The following SPOCK1 variants were observed in gnomAD, a reference collection of about 807,000 sequenced individuals.
SPOCK1 encodes testican-1.
SPOCK1 carries 23 observed loss-of-function variants against 55.3 expected under a neutral mutation model. The ratio of observed to expected loss-of-function variants is 0.42; its 90% CI spans 0.30 to 0.59. The LOEUF (loss-of-function observed/expected upper bound fraction) is 0.59, where lower values mean the gene tolerates loss of function less well. SPOCK1 is among the 20% of genes least tolerant of loss of function. The pLI is 0.22. For missense variants in SPOCK1, 499 were observed against 552.5 expected (o/e 0.90, Z 0.97); for synonymous variants, 226 against 221.0 (o/e 1.02, Z -0.20).
chr5:137,416,442 C>G (rs1752329530), intron 2 of SPOCK1, among the ~76,000 whole-genome samples: 1 of 152,116 alleles, frequency 6.6e-6, no homozygotes, highest in South Asian at 2.1e-4. Context: ...GCTTTTCCTA[C>G]AGTAATTGTC....
At chr5:137,363,866 G>C (rs1170791628) in intron 2 of SPOCK1, among the ~76,000 whole-genome samples, 1 of 152,254 alleles carries the variant, frequency 6.6e-6, no homozygotes, top group Non-Finnish European at 1.5e-5. Flanking sequence ...GCCAGTCACT[G>C]GGGACAGGCT....
At chr5:137,227,813 G>C (rs1456974173) in intron 3 of SPOCK1, among the ~76,000 whole-genome samples, 2 of 152,162 alleles carry the variant, frequency 1.3e-5, no homozygotes, top group Non-Finnish European at 2.9e-5. Flanking sequence ...GCAGATTTGT[G>C]CCATAAGCTT....
intron 3 of SPOCK1, among the ~76,000 whole-genome samples, chr5:137,183,381 T>C (rs1755006404): frequency 6.6e-6 from 1 of 152,104 alleles, no homozygotes. Flanking sequence ...CTGAAAACCA[T>C]GGTTCCCTGT....
intron 3 of SPOCK1, among the ~76,000 whole-genome samples, chr5:137,183,753 T>C (rs182734995): frequency 6.6e-6 from 1 of 152,326 alleles, no homozygotes; most frequent in African/African-American, 2.4e-5. Flanking sequence ...CCTCGCTGGC[T>C]GTGTAGACGT....
intron 3 of SPOCK1, among the ~76,000 whole-genome samples, chr5:137,258,689 T>C (rs1299349770): frequency 6.6e-6 from 1 of 152,218 alleles, no homozygotes; most frequent in African/African-American, 2.4e-5. Context: ...CCTCCTTTTA[T>C]ACAACTAACA....
chr5:137,356,911 T>C (rs975892782), intron 2 of SPOCK1, among the ~76,000 whole-genome samples: 2 of 138,402 alleles, frequency 1.4e-5, no homozygotes, highest in African/African-American at 5.4e-5. Flanking sequence ...CTACTTACTA[T>C]GTTTCCTCTC....
At chr5:137,094,825 T>C (rs1294692918) in intron 5 of SPOCK1, among the ~76,000 whole-genome samples, 1 of 152,272 alleles carries the variant, frequency 6.6e-6, no homozygotes, top group Admixed American at 6.5e-5. Flanking sequence ...TAACTTTTCA[T>C]TTGCACTTAC....
chr5:137,058,270 C>T (rs1484558219), intron 6 of SPOCK1, among the ~76,000 whole-genome samples: 1 of 152,142 alleles, frequency 6.6e-6, no homozygotes, highest in Non-Finnish European at 1.5e-5. Flanking sequence ...GTTTCAGATC[C>T]CTGTTCTGTC....
rs887249920 is a variant in SPOCK1, at chr5:137,466,786, T to C, written c.186+31587A>G. 2.6e-5 allele frequency among the ~76,000 whole-genome samples: 4 copies of C among 152,360 alleles called. No homozygotes were observed. The South Asian group carries it at 8.3e-4, about 32-fold the overall frequency. Reference sequence around the variant, plus strand: ...GGGAAAAATCTGTGTATGAGTTATCTATGGCTTTATAACAAATTACCCCCA... The same window carrying C: ...GGGAAAAATCTGTGTATGAGTTATCCATGGCTTTATAACAAATTACCCCCA... On this transcript the variant is annotated intron_variant, in intron 2 of 10. Transcript: ENST00000394945.
At chr5:137,221,946 G>A (rs1453701233) in intron 3 of SPOCK1, among the ~76,000 whole-genome samples, 3 of 152,218 alleles carry the variant, frequency 2.0e-5, no homozygotes, top group African/African-American at 7.2e-5. Context: ...GTTTGTTTCT[G>A]TCTGATGAGA....
chr5:136,991,659 G>T (rs549911776), intron 7 of SPOCK1, among the ~76,000 whole-genome samples: 3 of 152,198 alleles, frequency 2.0e-5, no homozygotes, highest in African/African-American at 7.2e-5. Flanking sequence ...CATAGAGAAG[G>T]CTGTGGCCAA....
At chr5:137,106,147 C>T (rs996081161) in intron 5 of SPOCK1, among the ~76,000 whole-genome samples, 2 of 151,896 alleles carry the variant, frequency 1.3e-5, no homozygotes, top group Admixed American at 6.6e-5. Flanking sequence ...GAGCCAGGAC[C>T]TGGAGCAGTA....
intron 3 of SPOCK1, among the ~76,000 whole-genome samples, chr5:137,240,094 A>G (rs1756254733): frequency 6.6e-6 from 1 of 152,224 alleles, no homozygotes; most frequent in South Asian, 2.1e-4. Flanking sequence ...GAATTGACTA[A>G]ATAAGAAATA....
chr5:137,065,203 G>T (rs1420556225), intron 6 of SPOCK1, among the ~76,000 whole-genome samples: 1 of 144,438 alleles, frequency 6.9e-6, no homozygotes, highest in Non-Finnish European at 1.5e-5. Context: ...ACTCCAGCAC[G>T]GGTGACAGAG....
intron 2 of SPOCK1, among the ~76,000 whole-genome samples, chr5:137,475,242 C>CA (rs1753812943): frequency 6.6e-6 from 1 of 152,160 alleles, no homozygotes; most frequent in African/African-American, 2.4e-5. Flanking sequence ...TGACATTCAA[C>CA]AGGACAACCT....
intron 3 of SPOCK1, among the ~76,000 whole-genome samples, chr5:137,147,115 G>A (rs1353525140): frequency 6.6e-6 from 1 of 152,078 alleles, no homozygotes; most frequent in Non-Finnish European, 1.5e-5. Context: ...GGGGGAGAGG[G>A]TTATAAATTG....
intron 3 of SPOCK1, among the ~76,000 whole-genome samples, chr5:137,168,686 T>C (rs1466490340): frequency 4.6e-5 from 7 of 152,086 alleles, no homozygotes; most frequent in African/African-American, 1.7e-4. Context: ...GATGGCTTTT[T>C]TCCATAAGAC....
At chr5:137,144,526 G>T (rs1384948451) in intron 3 of SPOCK1, among the ~76,000 whole-genome samples, 16 of 152,178 alleles carry the variant, frequency 1.1e-4, no homozygotes, top group Admixed American at 1.0e-3. Flanking sequence ...AAATCAAGCT[G>T]TCAGCATTTG....
chr5:137,074,939 G>C (rs1311073871), intron 5 of SPOCK1, among the ~76,000 whole-genome samples: 6 of 152,204 alleles, frequency 3.9e-5, no homozygotes, highest in African/African-American at 1.4e-4. Flanking sequence ...TCCTGACCTC[G>C]TGATCAGCCC....
Sources: gnomAD v4.1 joint callset for allele counts (sites outside exome capture counted in the v4.1 genomes callset) on GRCh38, gnomAD v4.1.1 for gene constraint, MANE v1.5 for transcripts, NCBI Gene and HGNC (gene_info 2026-07-23, HGNC 2026-07-21) for gene names.